KHDRBS2: variants seen among roughly 807,000 people sequenced by gnomAD.
The protein encoded by KHDRBS2 is KH domain-containing, RNA-binding, signal transduction-associated protein 2.
In KHDRBS2, 26 loss-of-function variants were observed where a neutral mutation model predicts 44.3. That is an observed-to-expected ratio of 0.59 (90% CI 0.43 to 0.81). The LOEUF (loss-of-function observed/expected upper bound fraction) is 0.81. KHDRBS2 is among the 40% of genes least tolerant of loss of function. The probability of loss-of-function intolerance (pLI) is 0.00; values close to 1 mark genes in which losing one functional copy is unlikely to be tolerated. For missense variants in KHDRBS2, 476 were observed against 433.1 expected, an observed-to-expected ratio of 1.10 and a Z score of -0.88; for synonymous variants, 194 against 151.1, an observed-to-expected ratio of 1.28 and a Z score of -2.08.
chr6:61,732,803 T>C (rs1435943383), intron 6 of KHDRBS2, 39 bp from the exon 7 acceptor site: 1 of 1,012,086 alleles, frequency 9.9e-7, no homozygotes. Context: ...GTTAGTCAAT[T>C]TGATTAACTT....
chr6:61,586,304 A>G, the KHDRBS2 span, among the ~76,000 whole-genome samples: 1 of 152,218 alleles, frequency 6.6e-6, no homozygotes, highest in Non-Finnish European at 1.5e-5. Flanking sequence ...CAATATCAGA[A>G]CATTGCCCCT....
intron 7 of KHDRBS2, among the ~76,000 whole-genome samples, chr6:61,705,053 C>G (rs988622049): frequency 6.6e-6 from 1 of 151,788 alleles, no homozygotes; most frequent in African/African-American, 2.4e-5. Context: ...GGGCTAACTT[C>G]ACTCATCAAC....
At chr6:62,270,110 T>C (rs561472343) in intron 1 of KHDRBS2, among the ~76,000 whole-genome samples, 7 of 152,236 alleles carry the variant, frequency 4.6e-5, no homozygotes, top group Admixed American at 2.6e-4. Flanking sequence ...CAAAATCTTA[T>C]GTTAAAATGT....
At chr6:62,078,151 A>C (rs1796699419) in intron 2 of KHDRBS2, among the ~76,000 whole-genome samples, 1 of 152,180 alleles carries the variant, frequency 6.6e-6, no homozygotes, top group Non-Finnish European at 1.5e-5. Flanking sequence ...CACTCTAATC[A>C]TGTAACACCC....
At chr6:61,701,563 A>C (rs1411727747) in intron 7 of KHDRBS2, among the ~76,000 whole-genome samples, 4 of 151,982 alleles carry the variant, frequency 2.6e-5, no homozygotes, top group Non-Finnish European at 5.9e-5. Context: ...ACTCTACTTT[A>C]CTGGATTAAG....
chr6:61,543,047 C>T, the KHDRBS2 span, among the ~76,000 whole-genome samples: 1 of 151,880 alleles, frequency 6.6e-6, no homozygotes, highest in Non-Finnish European at 1.5e-5. Flanking sequence ...AGAACATTGG[C>T]TGTGGCAAAG....
intron 2 of KHDRBS2, among the ~76,000 whole-genome samples, chr6:62,098,246 T>C (rs1422241900): frequency 1.9e-5 from 1 of 52,150 alleles, no homozygotes; most frequent in Non-Finnish European, 3.7e-5. Context: ...CTTCAAACGT[T>C]TTTTTTTTTT....
At chr6:61,901,950 CATT>C (rs1402144856) in intron 4 of KHDRBS2, among the ~76,000 whole-genome samples, 1 of 152,040 alleles carries the variant, frequency 6.6e-6, no homozygotes, top group Non-Finnish European at 1.5e-5. Flanking sequence ...TATTTATTTT[CATT>C]ATTTATTTAT....
chr6:62,109,419 G>T (rs1025062942), intron 2 of KHDRBS2, among the ~76,000 whole-genome samples: 11 of 151,876 alleles, frequency 7.2e-5, no homozygotes, highest in African/African-American at 1.2e-4. Context: ...ATTATATAAA[G>T]ATTTTTGGTT....
chr6:61,712,997 A>G (rs890432786), intron 7 of KHDRBS2, among the ~76,000 whole-genome samples: 2 of 151,608 alleles, frequency 1.3e-5, no homozygotes, highest in African/African-American at 4.8e-5. Context: ...TTCTGACCTA[A>G]AGTGATAAAA....
the KHDRBS2 span, among the ~76,000 whole-genome samples, chr6:61,579,120 G>C: frequency 6.6e-6 from 1 of 152,138 alleles, no homozygotes; most frequent in Non-Finnish European, 1.5e-5. Context: ...CAGTAGTATA[G>C]AGAACACATT....
At chr6:62,178,060 C>A (rs1821499669) in intron 1 of KHDRBS2, among the ~76,000 whole-genome samples, 1 of 151,326 alleles carries the variant, frequency 6.6e-6, no homozygotes, top group African/African-American at 2.4e-5. Context: ...ACTCTATATT[C>A]TAATGTGGAA....
chr6:61,924,065 A>C (rs1808527972), intron 4 of KHDRBS2, among the ~76,000 whole-genome samples: 1 of 152,116 alleles, frequency 6.6e-6, no homozygotes, highest in Admixed American at 6.6e-5. Context: ...AAAATTACAT[A>C]AATTAGATAT....
intron 4 of KHDRBS2, among the ~76,000 whole-genome samples, chr6:61,941,534 C>T (rs1267968598): frequency 1.3e-5 from 2 of 152,144 alleles, no homozygotes; most frequent in Non-Finnish European, 2.9e-5. Flanking sequence ...TAACCCACCA[C>T]CTCCACCACT....
intron 1 of KHDRBS2, among the ~76,000 whole-genome samples, chr6:62,247,978 T>C (rs1835889397): frequency 6.6e-6 from 1 of 152,066 alleles, no homozygotes; most frequent in East Asian, 1.9e-4. Context: ...GGAATAGTAG[T>C]CGAAAACAAG....
chr6:61,579,688 A>T, the KHDRBS2 span, among the ~76,000 whole-genome samples: 4 of 152,210 alleles, frequency 2.6e-5, no homozygotes, highest in African/African-American at 9.6e-5. Flanking sequence ...ATTTGGCTTA[A>T]CCCTGAGAAT....
intron 3 of KHDRBS2, among the ~76,000 whole-genome samples, chr6:62,008,616 C>T (rs1779708953): frequency 6.6e-6 from 1 of 152,158 alleles, no homozygotes; most frequent in African/African-American, 2.4e-5. Context: ...TGTCCCCATG[C>T]ACATCTCATC....
chr6:61,559,684 G>A, the KHDRBS2 span, among the ~76,000 whole-genome samples: 1 of 152,082 alleles, frequency 6.6e-6, no homozygotes, highest in African/African-American at 2.4e-5. Context: ...AAAGAAACAA[G>A]CAAATAGACA....
chr6:61,598,825 CTTTTTTCTTTTCTT>C, the KHDRBS2 span, among the ~76,000 whole-genome samples: 21 of 56,500 alleles, frequency 3.7e-4, 1 homozygote, highest in South Asian at 5.1e-3. Context: ...GTAGAGTGTC[CTTTTTTCTTTTCTT>C]TTTTTTTTTT....
Sources: allele counts gnomAD v4.1 joint callset (sites outside exome capture counted in the v4.1 genomes callset), GRCh38; gene constraint gnomAD v4.1.1; transcripts MANE v1.5; gene names NCBI Gene and HGNC (gene_info 2026-07-23, HGNC 2026-07-21).